PRLR: variants seen among roughly 807,000 people sequenced by gnomAD.
PRLR encodes hPRL receptor.
Under a neutral mutation model 40.2 loss-of-function variants are expected in PRLR, and 13 were observed. That is an observed-to-expected ratio of 0.32 (90% confidence interval 0.21 to 0.51). PRLR has a LOEUF of 0.51. PRLR is among the 20% of genes least tolerant of loss of function. The pLI, the probability that PRLR is intolerant of heterozygous loss-of-function variation, is 0.97. For synonymous variants in PRLR, 269 were observed against 278.7 expected (o/e 0.97, Z 0.35); for missense variants, 656 against 747.3 (o/e 0.88, Z 1.42).
chr5:35,119,346 C>T (rs1409867040), intron 1 of PRLR, among the ~76,000 whole-genome samples: 2 of 151,944 alleles, frequency 1.3e-5, no homozygotes, highest in Non-Finnish European at 2.9e-5. Context: ...TGGTTGGCCA[C>T]TAGCACCCTC....
chr5:35,146,364 C>T (rs1774181631), intron 1 of PRLR, among the ~76,000 whole-genome samples: 1 of 152,156 alleles, frequency 6.6e-6, no homozygotes, highest in African/African-American at 2.4e-5. Context: ...TTATTGTTTT[C>T]ATAACATCCA....
intron 1 of PRLR, among the ~76,000 whole-genome samples, chr5:35,130,497 A>G (rs73767525): frequency 0.026 from 4,011 of 152,270 alleles, 209 homozygotes; most frequent in African/African-American, 0.092. Context: ...AGGATGGGAC[A>G]AGTGATTCTG....
intron 1 of PRLR, among the ~76,000 whole-genome samples, chr5:35,197,416 C>T (rs908524561): frequency 1.3e-4 from 20 of 152,176 alleles, no homozygotes; most frequent in Non-Finnish European, 2.1e-4. Flanking sequence ...TACCCAAGTG[C>T]GGGGTTCCCC....
chr5:35,195,302 T>G (rs1274100600), intron 1 of PRLR: 3 of 152,372 alleles, frequency 2.0e-5, no homozygotes, highest in Admixed American at 2.0e-4. Flanking sequence ...TTCGATCCCA[T>G]GCCTGAACAA....
At chr5:35,187,408 AAAAAAG>A (rs1775475582) in intron 1 of PRLR, among the ~76,000 whole-genome samples, 1 of 152,036 alleles carries the variant, frequency 6.6e-6, no homozygotes, top group African/African-American at 2.4e-5. Flanking sequence ...TTAAAAAAAA[AAAAAAG>A]AAGAAGAAGG....
intron 1 of PRLR, among the ~76,000 whole-genome samples, chr5:35,166,355 G>C (rs1367439444): frequency 6.6e-6 from 1 of 152,152 alleles, no homozygotes; most frequent in Non-Finnish European, 1.5e-5. Context: ...AGCATGGCTT[G>C]TTTAATGTGA....
downstream of PRLR, among the ~76,000 whole-genome samples, chr5:35,051,128 G>A (rs569619151): frequency 5.9e-5 from 9 of 152,290 alleles, no homozygotes; most frequent in South Asian, 4.1e-4. Flanking sequence ...TGGACTTACC[G>A]TGTTTTAGGA....
intron 1 of PRLR, among the ~76,000 whole-genome samples, chr5:35,132,357 AG>A (rs1773717280): frequency 1.3e-5 from 2 of 152,190 alleles, no homozygotes; most frequent in Admixed American, 1.3e-4. Flanking sequence ...CACTATATTC[AG>A]AAACCTTTCC....
chr5:35,080,349 A>G (rs970567594), intron 5 of PRLR, among the ~76,000 whole-genome samples: 1 of 152,222 alleles, frequency 6.6e-6, no homozygotes, highest in Non-Finnish European at 1.5e-5. Flanking sequence ...ACAAGAAAAA[A>G]ATCAAACAAC....
chr5:35,096,051 G>A (rs1771518340), intron 2 of PRLR, among the ~76,000 whole-genome samples: 1 of 152,204 alleles, frequency 6.6e-6, no homozygotes, highest in Admixed American at 6.5e-5. Flanking sequence ...CATTTGGTGA[G>A]AGGTAGATGA....
intron 1 of PRLR, among the ~76,000 whole-genome samples, chr5:35,172,940 G>T (rs80274913): frequency 1.3e-5 from 2 of 152,200 alleles, no homozygotes; most frequent in Non-Finnish European, 2.9e-5. Flanking sequence ...TAACCATATG[G>T]ATAAGAAGAT....
chr5:35,051,347 G>A (rs542861392), downstream of PRLR, among the ~76,000 whole-genome samples: 1 of 152,306 alleles, frequency 6.6e-6, no homozygotes, highest in Admixed American at 6.5e-5. Context: ...GTTTAAATGG[G>A]AGATCCTGAA....
rs576920157 is a variant in PRLR, at chr5:35,061,154, G to T, written c.*3935C>A. On this transcript the variant is annotated 3_prime_UTR_variant, in exon 10 of 10. Transcript: ENST00000618457. ...TATATATAATCCCTATAAGGCAAAT[G>T]TTACTTTCTAATCAATACATTTTTC... 5 of 151,642 alleles carry T rather than the reference G, an allele frequency of 3.3e-5. No homozygotes were observed. The highest frequency in any genetic ancestry group is 6.6e-5 in the Admixed American group (1 of 15,240). 9.4% of individuals were successfully genotyped at this position (151,642 alleles called of 1,614,324 possible).
At chr5:35,188,666 T>G (rs1276859872) in intron 1 of PRLR, among the ~76,000 whole-genome samples, 2 of 152,244 alleles carry the variant, frequency 1.3e-5, no homozygotes, top group Non-Finnish European at 2.9e-5. Context: ...AATATTTACC[T>G]GGTATGGCTT....
chr5:35,055,656 T>C (rs1768673138), downstream of PRLR: 1 of 152,224 alleles, frequency 6.6e-6, no homozygotes, highest in Admixed American at 6.5e-5. Flanking sequence ...AAATTTTTCA[T>C]GTAATGCATG....
At chr5:35,118,931 A>G (rs553620580) in intron 1 of PRLR, among the ~76,000 whole-genome samples, 29 of 152,046 alleles carry the variant, frequency 1.9e-4, no homozygotes, top group African/African-American at 7.0e-4. Flanking sequence ...AGTAGCTGGG[A>G]CTACAGGCAC....
rs151149907 is a variant in PRLR, at chr5:35,065,168, G to T, written c.1790C>A (p.Ala597Glu). ...QAEKALANFT[A>E]TSSKCRLQLG... ...CTGGAGCCTGCACTTGCTTGATGTT[G>T]CAGTGAAGTTGGCCAGGGCTTTCTC... Residue 597 changes from alanine (A) to glutamate (E), a missense_variant, in exon 10 of 10, where the codon GCA (alanine) becomes GAA (glutamate). Ala to Glu is a moderately radical substitution (Grantham distance 107, BLOSUM62 -1). Around this residue, in one of 3 missense-constraint regions of PRLR, gnomAD observed 469 missense variants for 491.5 expected, o/e 0.95. Transcript: ENST00000618457. The T allele has an allele frequency of 4.3e-6, 7 of 1,614,072 alleles. No individual in the cohort carries two copies. The highest frequency in any genetic ancestry group is 5.9e-6 in the Non-Finnish European group (7 of 1,180,042).
intron 1 of PRLR, among the ~76,000 whole-genome samples, chr5:35,153,242 C>T (rs1774389352): frequency 6.6e-6 from 1 of 152,180 alleles, no homozygotes; most frequent in South Asian, 2.1e-4. Context: ...CTTTGGATTA[C>T]AAAATCTAGC....
In PRLR at chr5:35,123,078, T is replaced by G. The variant is rs146267526; in HGVS notation, c.-105-4956A>C. On this transcript the variant is annotated intron_variant, in intron 1 of 9. Transcript: ENST00000618457. ...AATATTTTGTTTGTGTCTTGATGGG[T>G]GCCAACTACAAGGGGTAGGTGTGGG... 4.5e-4 allele frequency among the ~76,000 whole-genome samples: 69 copies of G among 152,258 alleles called. No homozygotes were observed. The East Asian group carries it at 0.01, about 23-fold the overall frequency.
Sources: allele counts gnomAD v4.1 joint callset (sites outside exome capture counted in the v4.1 genomes callset), GRCh38; gene constraint gnomAD v4.1.1; regional missense constraint gnomAD v4.1.1; transcripts MANE v1.5; gene names NCBI Gene and HGNC (gene_info 2026-07-23, HGNC 2026-07-21).